The following REPS1 variants were observed in gnomAD, a reference collection of about 807,000 sequenced individuals.
The protein encoded by REPS1 is ralBP1-associated Eps domain-containing protein 1.
In REPS1, 39 loss-of-function variants were observed where a neutral mutation model predicts 100.9. The ratio of observed to expected loss-of-function variants is 0.39; its 90% CI spans 0.30 to 0.50. The LOEUF (loss-of-function observed/expected upper bound fraction) is 0.50, where lower values mean the gene tolerates loss of function less well. REPS1 is among the 20% of genes least tolerant of loss of function. REPS1 has a pLI of 0.86. For synonymous variants in REPS1, 324 were observed against 340.3 expected (o/e 0.95, Z 0.53); for missense variants, 821 against 968.5 (o/e 0.85, Z 2.02).
At chr6:138,961,118 A>G (rs1783710743) in intron 1 of REPS1, among the ~76,000 whole-genome samples, 3 of 152,138 alleles carry the variant, frequency 2.0e-5, no homozygotes, top group Admixed American at 2.0e-4. Context: ...CACACACAAT[A>G]ATTTAAGTAC....
chr6:138,966,129 T>G (rs1361017023), intron 1 of REPS1, among the ~76,000 whole-genome samples: 1 of 152,170 alleles, frequency 6.6e-6, no homozygotes, highest in African/African-American at 2.4e-5. Context: ...TGTACTATGT[T>G]GCCACTATTG....
chr6:138,970,672 T>A lies in REPS1; in HGVS notation c.153+16858A>T, dbSNP rs374311703. Among the ~76,000 whole-genome samples, 3 of 152,212 alleles carry A rather than the reference T, an allele frequency of 2.0e-5. No individual in the cohort carries two copies. The East Asian group carries it at 5.8e-4, about 29-fold the overall frequency. ...GGTGGTGCACACCTGTAGTCCCAGCTACTCGGGAGGCTGAGGTGGGAGGAT... is the reference window on the plus strand; with the variant it reads ...GGTGGTGCACACCTGTAGTCCCAGCAACTCGGGAGGCTGAGGTGGGAGGAT... On this transcript the variant is annotated intron_variant, in intron 1 of 19. Transcript: ENST00000450536.
At chr6:138,973,090 TACAC>T (rs1784423703) in intron 1 of REPS1, among the ~76,000 whole-genome samples, 1 of 152,146 alleles carries the variant, frequency 6.6e-6, no homozygotes, top group African/African-American at 2.4e-5. Context: ...GGGAAACAGA[TACAC>T]AGGAAGAATA....
rs1785363587 is a variant in REPS1, at chr6:138,987,802, G to A, written c.-120C>T. Reference sequence around the variant, plus strand: ...CTCCTGCTAGCTTCCCGAAAACGCCGGCCCCGGCCTCACACGCGCCAGGTG... The same window carrying A: ...CTCCTGCTAGCTTCCCGAAAACGCCAGCCCCGGCCTCACACGCGCCAGGTG... On this transcript the variant is annotated 5_prime_UTR_variant, in exon 1 of 20. Transcript: ENST00000450536. 1 of 1,278,794 alleles carries A rather than the reference G, an allele frequency of 7.8e-7. No homozygotes were observed. The allele number at this position is 1,278,794 out of a possible 1,614,324, so 79.2% of individuals were successfully genotyped here. A position where few individuals can be genotyped will look rare whatever the true frequency, so the allele number is the denominator to read the frequency against.
chr6:138,939,105 T>A lies in REPS1; in HGVS notation c.1135+2230A>T, dbSNP rs139823232. Reference sequence around the variant, plus strand: ...CAAAGGACCTTTTGTCATGTGAATCTCAGGTTTATGATAGGTGGAAGAAAA... The same window carrying A: ...CAAAGGACCTTTTGTCATGTGAATCACAGGTTTATGATAGGTGGAAGAAAA... On this transcript the variant is annotated intron_variant, in intron 8 of 19. Coordinates refer to ENST00000450536, the MANE Select transcript of REPS1 (RefSeq NM_001286611.2). 5.9e-4 allele frequency among the ~76,000 whole-genome samples: 90 copies of A among 152,308 alleles called. 1 individual carries two copies. The highest frequency in any genetic ancestry group is 4.2e-4 in the South Asian group (2 of 4,818).
At chr6:138,907,202 G>T (rs1239661997) in intron 19 of REPS1, among the ~76,000 whole-genome samples, 2 of 151,984 alleles carry the variant, frequency 1.3e-5, no homozygotes, top group Non-Finnish European at 2.9e-5. Flanking sequence ...TGGGTGCAGT[G>T]GCTCACGCCT....
intron 4 of REPS1, 105 bp from the exon 5 acceptor site, chr6:138,944,727 A>C: frequency 1.8e-6 from 2 of 1,119,376 alleles, no homozygotes; most frequent in Non-Finnish European, 2.5e-6. Context: ...AATTTCCAAA[A>C]TGGAATCTTT....
rs558670370 is a variant in REPS1, at chr6:138,937,875, TGAGA to T, written c.1135+3456_1135+3459del. Among the ~76,000 whole-genome samples, 202 of 152,320 alleles carry T rather than the reference TGAGA, an allele frequency of 1.3e-3. 1 individual carries two copies. The Middle Eastern group carries it at 0.051, about 38-fold the overall frequency. ...CCTACCTTCCTAGAAGGCTCTAGTC[TGAGA>T]GAAAGATATGTATCAAACAACCACA... On this transcript the variant is annotated intron_variant, in intron 8 of 19. Transcript: ENST00000450536.
At chr6:138,928,395 A>C (rs1260604330) in intron 9 of REPS1, 1 of 152,218 alleles carries the variant, frequency 6.6e-6, no homozygotes, top group African/African-American at 2.4e-5. Context: ...GAAGACAATT[A>C]AAATGTAATC....
At chr6:138,914,805 A>C in intron 14 of REPS1, 44 bp from the exon 15 acceptor site, 1 of 1,493,036 alleles carries the variant, frequency 6.7e-7, no homozygotes, top group Non-Finnish European at 9.3e-7. Flanking sequence ...CTGTATAATC[A>C]CTTTGTTAAT....
intron 10 of REPS1, among the ~76,000 whole-genome samples, chr6:138,921,976 A>AGAGT (rs1554285855): frequency 4.7e-5 from 7 of 148,502 alleles, no homozygotes; most frequent in African/African-American, 1.7e-4. Context: ...CATCTCAAAA[A>AGAGT]GTGTGTGTGT....
intron 1 of REPS1, among the ~76,000 whole-genome samples, chr6:138,974,222 G>A (rs1784481226): frequency 1.3e-5 from 2 of 152,090 alleles, no homozygotes; most frequent in African/African-American, 4.8e-5. Context: ...AATGCCACAG[G>A]ATAACTAAAC....
In REPS1 at chr6:138,916,155, A is replaced by G. The variant is rs1780363461; in HGVS notation, c.1602-179T>C. ...CACTGTTTATGATGTACCCTAAACAACTGATTATTTTATGTGGCTAACAAT... is the reference window on the plus strand; with the variant it reads ...CACTGTTTATGATGTACCCTAAACAGCTGATTATTTTATGTGGCTAACAAT... On this transcript the variant is annotated intron_variant, in intron 13 of 19. Coordinates refer to ENST00000450536, the MANE Select transcript of REPS1 (RefSeq NM_001286611.2). 3 of 554,100 alleles carry G rather than the reference A, an allele frequency of 5.4e-6. No individual in the cohort carries two copies. The African/African-American group carries it at 6.0e-5, about 11-fold the overall frequency. The allele number at this position is 554,100 out of a possible 1,614,324, so 34.3% of individuals were successfully genotyped here. A position where few individuals can be genotyped will look rare whatever the true frequency, so the allele number is the denominator to read the frequency against.
chr6:138,987,484 T>C, intron 1 of REPS1, 46 bp downstream of exon 1: 1 of 1,475,398 alleles, frequency 6.8e-7, no homozygotes, highest in Non-Finnish European at 9.0e-7. Context: ...TGGAGGCCAG[T>C]GACTGCAGGC....
intron 1 of REPS1, among the ~76,000 whole-genome samples, chr6:138,980,242 T>C (rs1443144648): frequency 6.6e-6 from 1 of 152,248 alleles, no homozygotes; most frequent in Non-Finnish European, 1.5e-5. Context: ...GTCTGCTGCC[T>C]GGACTGTTGC....
rs546742438 is a variant in REPS1 at position 138,909,940 on chromosome 6, G to C, written c.2068-1124C>G. Among the ~76,000 whole-genome samples, 21 of 152,152 alleles carry C rather than the reference G, an allele frequency of 1.4e-4. 1 individual carries two copies. The highest frequency in any genetic ancestry group is 4.8e-4 in the African/African-American group (20 of 41,512). Reference sequence around the variant, plus strand: ...TTTTTATAACTATTGGGAATGTCTAGATAACAGAAAAAAAAAGTTACCAAA... The same window carrying C: ...TTTTTATAACTATTGGGAATGTCTACATAACAGAAAAAAAAAGTTACCAAA... On this transcript the variant is annotated intron_variant, in intron 17 of 19. Transcript: ENST00000450536.
chr6:138,987,769 G>A lies in REPS1; in HGVS notation c.-87C>T. ...ACCTGGGCCGGCAGGGGCTGCGCGT[G>A]GCCCGGCCTCCTGCTAGCTTCCCGA... On this transcript the variant is annotated 5_prime_UTR_variant, in exon 1 of 20. Coordinates refer to ENST00000450536, the MANE Select transcript of REPS1 (RefSeq NM_001286611.2). 4 of 1,382,070 alleles carry A rather than the reference G, an allele frequency of 2.9e-6. No homozygotes were observed. The highest frequency in any genetic ancestry group is 3.8e-6 in the Non-Finnish European group (4 of 1,063,722). 85.6% of individuals were successfully genotyped at this position (1,382,070 alleles called of 1,614,324 possible). A position where few individuals can be genotyped will look rare whatever the true frequency, so the allele number is the denominator to read the frequency against.
At chr6:138,941,836 CTGTTTTTA>C (rs1782272236) in intron 7 of REPS1, among the ~76,000 whole-genome samples, 1 of 152,090 alleles carries the variant, frequency 6.6e-6, no homozygotes, top group Non-Finnish European at 1.5e-5. Context: ...TTTCAAAAGT[CTGTTTTTA>C]TGTTATCAAA....
Position 138,967,049 on chromosome 6 carries a change from T to C in REPS1, c.154-19136A>G, listed in dbSNP as rs185277306. Among the ~76,000 whole-genome samples the C allele has an allele frequency of 2.3e-3, 350 of 152,346 alleles. 2 individuals carry two copies. The highest frequency in any genetic ancestry group is 8.0e-3 in the African/African-American group (333 of 41,588). ...GTCACAAGGGCCCTGCCTTCGTGAATAGATTAATGTAATTTATCACAGAAG... is the reference window on the plus strand; with the variant it reads ...GTCACAAGGGCCCTGCCTTCGTGAACAGATTAATGTAATTTATCACAGAAG... On this transcript the variant is annotated intron_variant, in intron 1 of 19. Coordinates refer to ENST00000450536, the MANE Select transcript of REPS1 (RefSeq NM_001286611.2).
Sources: gnomAD v4.1 joint callset for allele counts (sites outside exome capture counted in the v4.1 genomes callset) on GRCh38, gnomAD v4.1.1 for gene constraint, MANE v1.5 for transcripts, NCBI Gene and HGNC (gene_info 2026-07-23, HGNC 2026-07-21) for gene names.